SIPA1L2: variants seen among roughly 807,000 people sequenced by gnomAD.
SIPA1L2 encodes signal induced proliferation associated 1 like 2, also known as signal-induced proliferation-associated 1-like protein 2.
SIPA1L2 carries 56 observed loss-of-function variants against 163.9 expected under a neutral mutation model. The ratio of observed to expected loss-of-function variants is 0.34; its 90% confidence interval spans 0.28 to 0.43. The LOEUF is 0.43. Among genes scored for constraint, SIPA1L2 ranks in the 20% least tolerant of loss-of-function variants. SIPA1L2 has a pLI of 1.00. For synonymous variants in SIPA1L2, 877 were observed against 865.7 expected (o/e 1.01, Z -0.23); for missense variants, 1,974 against 2,193.5 (o/e 0.90, Z 2.00).
chr1:232,595,482 G>C (rs1008212199), intron 1 of SIPA1L2, among the ~76,000 whole-genome samples: 3 of 152,166 alleles, frequency 2.0e-5, no homozygotes, highest in African/African-American at 7.2e-5. Context: ...CTGCTGCACC[G>C]GGCGGCTTCT....
At chr1:232,598,588 C>G (rs933315544) in intron 1 of SIPA1L2, among the ~76,000 whole-genome samples, 1 of 152,168 alleles carries the variant, frequency 6.6e-6, no homozygotes, top group African/African-American at 2.4e-5. Context: ...TTATTTCTCA[C>G]AGTTCTGGAG....
At chr1:232,450,015 A>C (rs1164121750) in intron 10 of SIPA1L2, among the ~76,000 whole-genome samples, 2 of 152,222 alleles carry the variant, frequency 1.3e-5, no homozygotes, top group Non-Finnish European at 2.9e-5. Flanking sequence ...GGGAAACCAA[A>C]TTCATGGTAG....
At chr1:232,428,200 A>G (rs1430389580) in intron 17 of SIPA1L2, among the ~76,000 whole-genome samples, 1 of 152,102 alleles carries the variant, frequency 6.6e-6, no homozygotes, top group African/African-American at 2.4e-5. Context: ...CTGAGGTTTT[A>G]AAAACAGCCT....
At chr1:232,436,602 G>C (rs1047725055) in intron 15 of SIPA1L2, among the ~76,000 whole-genome samples, 1 of 152,184 alleles carries the variant, frequency 6.6e-6, no homozygotes, top group African/African-American at 2.4e-5. Context: ...AAGCAGGGGG[G>C]CTAAGGGAGC....
At chr1:232,479,551 A>C in intron 7 of SIPA1L2, 76 bp downstream of exon 7, 2 of 1,104,892 alleles carry the variant, frequency 1.8e-6, no homozygotes, top group Non-Finnish European at 2.8e-6. Flanking sequence ...CAAGTTCTAC[A>C]TGCATCAATA....
At chr1:232,590,559 G>A (rs1250678681) in intron 1 of SIPA1L2, among the ~76,000 whole-genome samples, 1 of 152,228 alleles carries the variant, frequency 6.6e-6, no homozygotes, top group African/African-American at 2.4e-5. Flanking sequence ...GATGTCACAT[G>A]CTGATTCAGA....
chr1:232,416,207 C>T (rs1343275280), intron 18 of SIPA1L2, among the ~76,000 whole-genome samples: 1 of 152,228 alleles, frequency 6.6e-6, no homozygotes, highest in Non-Finnish European at 1.5e-5. Flanking sequence ...GTGAGTCAGT[C>T]AGCACAGGAA....
At chr1:232,614,487 T>A (rs1237851385) in intron 1 of SIPA1L2, among the ~76,000 whole-genome samples, 1 of 152,208 alleles carries the variant, frequency 6.6e-6, no homozygotes, top group Non-Finnish European at 1.5e-5. Flanking sequence ...GTAAAAAGAA[T>A]TCCCAAACTG....
rs77184036 is a variant in SIPA1L2 at position 232,460,970 on chromosome 1, G to A, written c.3012C>T (p.His1004=). Residue 1004 remains histidine, a synonymous_variant, in exon 10 of 23, where the codon CAC becomes CAT. Coordinates refer to ENST00000674635, the MANE Select transcript of SIPA1L2 (RefSeq NM_020808.5). ...ICKVAVATLT[H]EQMIDLLRTS... The stretch of plus-strand genomic sequence containing the variant: ...TACGGAGCAGGTCGATCATCTGCTC[G>A]TGGGTCAGAGTGGCCACGGCTACTT... The A allele has an allele frequency of 1.7e-3, 2,730 of 1,614,260 alleles. 46 individuals carry two copies. The African/African-American group carries it at 0.033, about 19-fold the overall frequency.
intron 2 of SIPA1L2, among the ~76,000 whole-genome samples, chr1:232,566,861 C>A (rs1659434626): frequency 1.3e-5 from 2 of 152,166 alleles, no homozygotes; most frequent in South Asian, 4.1e-4. Context: ...AGTACACATT[C>A]TTGAAGTCTT....
chr1:232,572,772 TATATA>T lies in SIPA1L2; in HGVS notation c.-270+1397_-270+1401del, dbSNP rs1558277903. The stretch of plus-strand genomic sequence containing the variant: ...ATATATATATATATATATATATATA[TATATA>T]TATTTATTTATTTATTTTTTCCTTG... On this transcript the variant is annotated intron_variant, in intron 2 of 22. Transcript: ENST00000674635. Among the ~76,000 whole-genome samples, 848 of 70,174 alleles carry T rather than the reference TATATA, an allele frequency of 0.012. 27 individuals are homozygous for T. In the East Asian group the frequency reaches 0.17, roughly 14 times the overall value. The allele number at this position is 70,174 out of a possible 152,430, so 46.0% of individuals were successfully genotyped here. A position where few individuals can be genotyped will look rare whatever the true frequency, so the allele number is the denominator to read the frequency against.
At chr1:232,581,091 CT>C (rs930019222) in intron 1 of SIPA1L2, among the ~76,000 whole-genome samples, 1 of 152,164 alleles carries the variant, frequency 6.6e-6, no homozygotes, top group Non-Finnish European at 1.5e-5. Flanking sequence ...CTCCAGTCTT[CT>C]CTTACCCTCC....
chr1:232,503,780 A>G (rs920645619), intron 3 of SIPA1L2, among the ~76,000 whole-genome samples: 2 of 152,222 alleles, frequency 1.3e-5, no homozygotes, highest in Admixed American at 6.5e-5. Flanking sequence ...TTCAATTCCT[A>G]TCTATGATGT....
Position 232,464,928 on chromosome 1 carries a change from T to C in SIPA1L2, c.2732A>G (p.Lys911Arg). 1 of 1,614,246 alleles carries C rather than the reference T, an allele frequency of 6.2e-7. No individual in the cohort carries two copies. Among genetic ancestry groups the C allele is most frequent in the Non-Finnish European group, 8.5e-7 (1 of 1,180,046 alleles). Residue 911 changes from lysine to arginine, a missense_variant, in exon 9 of 23, where the codon AAA (lysine) becomes AGA (arginine). Physicochemically the swap from Lys to Arg is conservative, Grantham distance 26. Transcript: ENST00000674635. The part of the protein sequence containing the change: ...IGWTSGLVSI[K>R]VFYERGECVL... The stretch of plus-strand genomic sequence containing the variant: ...ACATTCTCCTCTTTCGTAAAACACT[T>C]TGATACTCACTAATCCAGATGTCCA...
At chr1:232,587,331 CG>C (rs1660722613) in intron 1 of SIPA1L2, among the ~76,000 whole-genome samples, 1 of 152,012 alleles carries the variant, frequency 6.6e-6, no homozygotes, top group Non-Finnish European at 1.5e-5. Context: ...TATCACCACA[CG>C]TATGAGGTAT....
Position 232,508,952 on chromosome 1 carries a change from C to T in SIPA1L2, c.1483+4905G>A, listed in dbSNP as rs1206310744. 2.0e-5 allele frequency among the ~76,000 whole-genome samples: 3 copies of T among 152,102 alleles called. No homozygotes were observed. The East Asian group carries it at 5.8e-4, about 29-fold the overall frequency. On this transcript the variant is annotated intron_variant, in intron 3 of 22. Transcript: ENST00000674635. ...ACTAAAAATACAAAAATTAGCCGGGCGTGGTGGCACATGTCTGTAATCCCA... is the reference window on the plus strand; with the variant it reads ...ACTAAAAATACAAAAATTAGCCGGGTGTGGTGGCACATGTCTGTAATCCCA...
chr1:232,591,181 A>C (rs777407419), intron 1 of SIPA1L2, among the ~76,000 whole-genome samples: 4 of 152,252 alleles, frequency 2.6e-5, no homozygotes, highest in Non-Finnish European at 4.4e-5. Flanking sequence ...AAAGCATTTA[A>C]ATGGAAAGAG....
In SIPA1L2 at chr1:232,465,126, T is replaced by C; in HGVS notation, c.2534A>G (p.Lys845Arg). Residue 845 changes from lysine to arginine, a missense_variant, in exon 9 of 23, where the codon AAG becomes AGG. This residue lies in a region of SIPA1L2 where 1,079 missense variants were observed against 1,150.7 expected (regional missense o/e 0.94). Transcript: ENST00000674635. The surrounding 1 kb of genome is among the most constrained non-coding windows in gnomAD (Gnocchi z 4.1). ...AKKKEKVKPR[K>R]DAHLFSIGAI... is the part of the protein sequence containing the mutation. ...CCCAATGCTAAACAAGTGGGCATCC[T>C]TCCTTGGCTTTACCTTCTCCTTTTT... 6.2e-7 allele frequency: 1 copy of C among 1,614,190 alleles called. No individual in the cohort carries two copies. The highest frequency in any genetic ancestry group is 8.5e-7 in the Non-Finnish European group (1 of 1,180,038).
At chr1:232,592,455 T>C (rs997769663) in intron 1 of SIPA1L2, among the ~76,000 whole-genome samples, 2 of 152,232 alleles carry the variant, frequency 1.3e-5, no homozygotes, top group African/African-American at 4.8e-5. Flanking sequence ...TGTTCAGATC[T>C]AAAAATACAA....
Sources: allele counts gnomAD v4.1 joint callset (sites outside exome capture counted in the v4.1 genomes callset), GRCh38; gene constraint gnomAD v4.1.1; regional missense constraint gnomAD v4.1.1; non-coding constraint Gnocchi (gnomAD v3.1); transcripts MANE v1.5; gene names NCBI Gene and HGNC (gene_info 2026-07-23, HGNC 2026-07-21).